PLEKHG6: variants seen among roughly 807,000 people sequenced by gnomAD.
PLEKHG6 encodes pleckstrin homology and RhoGEF domain containing G6.
A neutral mutation model predicts 97.5 loss-of-function variants in PLEKHG6; 91 were observed. The ratio of observed to expected loss-of-function variants is 0.93; its 90% CI spans 0.79 to 1.11. The LOEUF is 1.11. PLEKHG6 is among the 50% of genes most tolerant of loss of function. The pLI is 0.00. For missense variants in PLEKHG6, 1,044 were observed against 1,031.0 expected, an observed-to-expected ratio of 1.01 and a Z score of -0.17; for synonymous variants, 466 against 425.5, an observed-to-expected ratio of 1.10 and a Z score of -1.17.
At position 6,328,175 on chromosome 12, in the gene PLEKHG6, C is replaced by T; in HGVS notation, c.*30C>T. 6.2e-7 allele frequency: 1 copy of T among 1,609,526 alleles called. No homozygotes were observed. The highest frequency in any genetic ancestry group is 2.2e-5 in the East Asian group (1 of 44,842). On this transcript the variant is annotated 3_prime_UTR_variant, in exon 16 of 16. Coordinates refer to ENST00000684764, the MANE Select transcript of PLEKHG6 (RefSeq NM_001384598.1). The stretch of plus-strand genomic sequence containing the variant: ...TGCAGAGGACCTTTGGCATGCATCT[C>T]TCCCAGAGGAGATCTCTCCCCAGTA...
intron 13 of PLEKHG6, among the ~76,000 whole-genome samples, chr12:6,322,921 G>A (rs1347654676): frequency 6.7e-6 from 1 of 149,970 alleles, no homozygotes. Flanking sequence ...CTGAAGGCTA[G>A]AGGCTCAAGG....
At chr12:6,326,711 CGGTACCAGCTGTGTTGGGTCGGAAGGTT>C in intron 14 of PLEKHG6, 138 bp downstream of exon 14, 4 of 791,258 alleles carry the variant, frequency 5.1e-6, no homozygotes, top group Non-Finnish European at 7.3e-6. Context: ...TAGGGAAGCT[CGGTACCAGCTGTGTTGGGTCGGAAGGTT>C]GGTACCAGCC....
At position 6,318,340 on chromosome 12, in the gene PLEKHG6, A is replaced by G. The variant is rs2136752995; in HGVS notation, c.1195A>G (p.Met399Val). 6.2e-7 allele frequency: 1 copy of G among 1,613,982 alleles called. No individual in the cohort carries two copies. Among genetic ancestry groups the G allele is most frequent in the Admixed American group, 1.7e-5 (1 of 59,996 alleles). The change falls in exon 11 of 16, where the codon ATG (methionine) becomes GTG (valine). Residue 399 changes from methionine (M) to valine (V), a missense_variant. Coordinates refer to ENST00000684764, the MANE Select transcript of PLEKHG6 (RefSeq NM_001384598.1). ...CTCCACCCTGGACCTGACGTCCCCC[A>G]TGCTGGGGGTTGCATCTGAGCACAC... ...PFSTLDLTSPMLGVASEHTRQ... is the reference protein window; with the variant it reads ...PFSTLDLTSPVLGVASEHTRQ...
At position 6,328,368 on chromosome 12, in the gene PLEKHG6, G is replaced by A; in HGVS notation, c.*223G>A. On this transcript the variant is annotated 3_prime_UTR_variant, in exon 16 of 16. Coordinates refer to ENST00000684764, the MANE Select transcript of PLEKHG6 (RefSeq NM_001384598.1). Reference sequence around the variant, plus strand: ...CAGAAAGTTGTGCATAAAAATGACTGCCCTGGCTGGGCATGGCTGCCTGTA... The same window carrying A: ...CAGAAAGTTGTGCATAAAAATGACTACCCTGGCTGGGCATGGCTGCCTGTA... 1.9e-6 allele frequency: 1 copy of A among 521,152 alleles called. No individual in the cohort carries two copies. Among genetic ancestry groups the A allele is most frequent in the Non-Finnish European group, 3.4e-6 (1 of 293,946 alleles). 32.3% of individuals were successfully genotyped at this position (521,152 alleles called of 1,614,324 possible).
Position 6,327,388 on chromosome 12 carries a change from G to A in PLEKHG6, c.1805G>A (p.Arg602His), listed in dbSNP as rs377058502. ...TLIPGTPTGS[R>H]SPLSRLRQRA... ...ATCCCAGGCACCCCCACGGGGTCCC[G>A]CTCCCCACTGAGCCGTCTACGCCAA... The change falls in exon 15 of 16, where the codon CGC (arginine) becomes CAC (histidine). Residue 602 changes from arginine to histidine, a missense_variant. By Grantham distance (29) the Arg-to-His change is conservative. Transcript: ENST00000684764. 29 of 1,613,868 alleles carry A rather than the reference G, an allele frequency of 1.8e-5. No homozygotes were observed. In the African/African-American group the frequency reaches 2.3e-4, roughly 13 times the overall value.
chr12:6,315,694 G>A lies in PLEKHG6; in HGVS notation c.555+45G>A, dbSNP rs751338246. On this transcript the variant is annotated intron_variant, in intron 5 of 15. Transcript: ENST00000684764. This position sits in a 1 kb window ranked among gnomAD's most constrained non-coding sequence, Gnocchi z 4.5. The stretch of plus-strand genomic sequence containing the variant: ...AGCCCCGGCCCCATCTTCCCTGCAT[G>A]AGCCCCCATCCTCCCAGACTGGAAG... 7.5e-7 allele frequency: 1 copy of A among 1,327,634 alleles called. No homozygotes were observed. The allele number at this position is 1,327,634 out of a possible 1,614,324, so 82.2% of individuals were successfully genotyped here.
At chr12:6,312,669 C>T (rs1002141734) in intron 2 of PLEKHG6, 98 of 1,194,048 alleles carry the variant, frequency 8.2e-5, no homozygotes, top group South Asian at 6.9e-4. Context: ...CCAGAGCTGG[C>T]GCCTCCCAGG....
Position 6,312,241 on chromosome 12 carries a change from T to G in PLEKHG6, c.15T>G (p.Gly5=). ...GGAGAGAAGGGATGAAGGCCTTTGG[T>G]CCTCCACATGAGGGCCCCCTCCAAG... The part of the protein sequence containing the change: MKAF[G]PPHEGPLQGL... The change falls in exon 2 of 16, where the codon GGT becomes GGG. Residue 5 remains glycine (G), a synonymous_variant. Transcript: ENST00000684764. 1 of 1,527,858 alleles carries G rather than the reference T, an allele frequency of 6.5e-7. No individual in the cohort carries two copies. The highest frequency in any genetic ancestry group is 1.3e-5 in the South Asian group (1 of 78,022). 94.6% of individuals were successfully genotyped at this position (1,527,858 alleles called of 1,614,324 possible). A position where few individuals can be genotyped will look rare whatever the true frequency, so the allele number is the denominator to read the frequency against.
At chr12:6,326,385 T>C in intron 13 of PLEKHG6, 43 bp from the exon 14 acceptor site, 3 of 1,536,624 alleles carry the variant, frequency 2.0e-6, no homozygotes, top group Non-Finnish European at 2.7e-6. Context: ...CAGCAAGTGC[T>C]CAATAAATGA....
rs561626783 is a variant in PLEKHG6 at position 6,318,469 on chromosome 12, G to A, written c.1275+49G>A. 3.0e-5 allele frequency: 46 copies of A among 1,553,098 alleles called. No individual in the cohort carries two copies. In the South Asian group the frequency reaches 4.3e-4, roughly 15 times the overall value. ...GAGGGGATGGGGCACGGTGGGAGAAGGTAAGAGGCAGAAACGCCGGAAGTG... is the reference window on the plus strand; with the variant it reads ...GAGGGGATGGGGCACGGTGGGAGAAAGTAAGAGGCAGAAACGCCGGAAGTG... On this transcript the variant is annotated intron_variant, in intron 11 of 15. Transcript: ENST00000684764.
Position 6,327,479 on chromosome 12 carries a change from T to TGCCCCCCCCC in PLEKHG6, c.1896_1897insGCCCCCCCCC (p.Pro633AlafsTer40). On this transcript the variant is annotated frameshift_variant, in exon 15 of 16. Coordinates refer to ENST00000684764, the MANE Select transcript of PLEKHG6 (RefSeq NM_001384598.1). LOFTEE classifies it high-confidence loss of function. ...TGGAACTCCGGGACATCCCTCTGCG[T>TGCCCCCCCCC]CCCCACCCTCCCGACCCCCAAGCTC... 1.2e-6 allele frequency: 2 copies of TGCCCCCCCCC among 1,603,272 alleles called. No individual in the cohort carries two copies. The highest frequency in any genetic ancestry group is 1.7e-6 in the Non-Finnish European group (2 of 1,171,718).
chr12:6,317,270 C>T (rs1384408243), intron 7 of PLEKHG6, 33 bp from the exon 8 acceptor site: 6 of 1,409,086 alleles, frequency 4.3e-6, no homozygotes, highest in Middle Eastern at 1.7e-4. Context: ...TCTCCCCATG[C>T]CTGCTCCCCA....
At position 6,327,756 on chromosome 12, in the gene PLEKHG6, G is replaced by C. The variant is rs1451226644; in HGVS notation, c.2173G>C (p.Ala725Pro). 1.3e-6 allele frequency: 2 copies of C among 1,544,978 alleles called. No homozygotes were observed. The highest frequency in any genetic ancestry group is 1.7e-6 in the Non-Finnish European group (2 of 1,149,658). The change falls in exon 15 of 16, where the codon GCT (alanine) becomes CCT (proline). Residue 725 changes from alanine to proline, a missense_variant. By Grantham distance (27) the Ala-to-Pro change is conservative. Transcript: ENST00000684764. The stretch of plus-strand genomic sequence containing the variant: ...AGAAGAGGGGCCTCTGTTCCTGAAA[G>C]CTGGCCACACATCCCTGCGCCCAAT... Reference protein sequence around the residue: ...EEEEGPLFLKAGHTSLRPMRA... With the variant: ...EEEEGPLFLKPGHTSLRPMRA...
chr12:6,328,273 A>T lies in PLEKHG6; in HGVS notation c.*128A>T, dbSNP rs980344073. On this transcript the variant is annotated 3_prime_UTR_variant, in exon 16 of 16. Transcript: ENST00000684764. ...TTCCCAAAGGAAGCCTGGCCCAGGC[A>T]CCCTGCCTCCTGCTCTGTTTGGGGA... 4 of 889,932 alleles carry T rather than the reference A, an allele frequency of 4.5e-6. No homozygotes were observed. The highest frequency in any genetic ancestry group is 1.6e-5 in the African/African-American group (1 of 60,672). 55.1% of individuals were successfully genotyped at this position (889,932 alleles called of 1,614,324 possible). A position where few individuals can be genotyped will look rare whatever the true frequency, so the allele number is the denominator to read the frequency against.
chr12:6,317,467 C>G (rs1206261528), intron 8 of PLEKHG6, 54 bp downstream of exon 8: 1 of 1,611,552 alleles, frequency 6.2e-7, no homozygotes, highest in Non-Finnish European at 8.5e-7. Flanking sequence ...CGGCCGGTCT[C>G]CAGCTGAGCC....
intron 13 of PLEKHG6, among the ~76,000 whole-genome samples, chr12:6,323,249 T>C (rs1231897397): frequency 1.3e-5 from 2 of 152,236 alleles, no homozygotes; most frequent in Non-Finnish European, 2.9e-5. Context: ...AACCAAGATA[T>C]GCACCAAGGC....
intron 2 of PLEKHG6, chr12:6,313,269 C>T (rs142348685): frequency 0.011 from 14,129 of 1,307,262 alleles, 100 homozygotes; most frequent in Non-Finnish European, 0.011. Context: ...GTGTGCACCA[C>T]GCCTTGTCCA....
At chr12:6,326,693 G>C in intron 14 of PLEKHG6, 120 bp downstream of exon 14, 1 of 964,652 alleles carries the variant, frequency 1.0e-6, no homozygotes, top group Non-Finnish European at 1.4e-6. Context: ...CGCAGGCGTA[G>C]GGCAGGGTAG....
At position 6,318,731 on chromosome 12, in the gene PLEKHG6, G is replaced by T. The variant is rs570484526; in HGVS notation, c.1276-14G>T. On this transcript the variant is annotated splice_polypyrimidine_tract_variant and intron_variant, in intron 11 of 15. Coordinates refer to ENST00000684764, the MANE Select transcript of PLEKHG6 (RefSeq NM_001384598.1). ...AGCTGACCCTGTCTCTTTCCCCTAC[G>T]CCCCCACCCCCAGCTGGACGTGTAC... 2 of 1,609,698 alleles carry T rather than the reference G, an allele frequency of 1.2e-6. No homozygotes were observed. The highest frequency in any genetic ancestry group is 1.7e-6 in the Non-Finnish European group (2 of 1,177,270).
Sources: allele counts gnomAD v4.1 joint callset (sites outside exome capture counted in the v4.1 genomes callset), GRCh38; gene constraint gnomAD v4.1.1; non-coding constraint Gnocchi (gnomAD v3.1); transcripts MANE v1.5; gene names NCBI Gene and HGNC (gene_info 2026-07-23, HGNC 2026-07-21).